The following KIAA1958 variants were observed in gnomAD, a reference collection of about 807,000 sequenced individuals.
KIAA1958 encodes uncharacterized protein KIAA1958.
In KIAA1958, 14 loss-of-function variants were observed where a neutral mutation model predicts 47.2. The observed-to-expected ratio is 0.30, with a 90% CI of 0.20 to 0.46. The LOEUF is 0.46. Among genes scored for constraint, KIAA1958 ranks in the 20% least tolerant of loss-of-function variants. The pLI is 1.00. For missense variants in KIAA1958, 803 were observed against 909.2 expected, an observed-to-expected ratio of 0.88 and a Z score of 1.50; for synonymous variants, 354 against 353.3, an observed-to-expected ratio of 1.00 and a Z score of -0.02.
intron 1 of KIAA1958, among the ~76,000 whole-genome samples, chr9:112,565,196 A>G (rs1835405606): frequency 6.6e-6 from 1 of 152,236 alleles, no homozygotes; most frequent in Non-Finnish European, 1.5e-5. Flanking sequence ...GCCTAAGTTC[A>G]TAGCATTGCT....
At chr9:112,550,983 G>A (rs1835132770) in intron 1 of KIAA1958, among the ~76,000 whole-genome samples, 2 of 151,030 alleles carry the variant, frequency 1.3e-5, no homozygotes, top group African/African-American at 4.9e-5. Context: ...TTCTTTGAAT[G>A]AATGGGGTTT....
chr9:112,573,330 G>C (rs559811667), intron 1 of KIAA1958, among the ~76,000 whole-genome samples: 1 of 152,314 alleles, frequency 6.6e-6, no homozygotes, highest in Non-Finnish European at 1.5e-5. Context: ...AGACAGCCAG[G>C]AGACAGGAAG....
intron 1 of KIAA1958, among the ~76,000 whole-genome samples, chr9:112,515,907 A>T (rs985960558): frequency 4.0e-5 from 6 of 148,208 alleles, no homozygotes; most frequent in African/African-American, 1.5e-4. Flanking sequence ...AAAAAAAAAA[A>T]AAAAAAGACT....
chr9:112,519,143 A>C (rs529724765), intron 1 of KIAA1958, among the ~76,000 whole-genome samples: 5 of 152,000 alleles, frequency 3.3e-5, no homozygotes, highest in African/African-American at 9.7e-5. Context: ...AGGTCTCACT[A>C]TGTTACCCAG....
chr9:112,626,906 T>C (rs1332096880), intron 2 of KIAA1958, among the ~76,000 whole-genome samples: 1 of 152,228 alleles, frequency 6.6e-6, no homozygotes, highest in East Asian at 1.9e-4. Context: ...TTTTGCATGT[T>C]GTTACAGGTG....
intron 1 of KIAA1958, among the ~76,000 whole-genome samples, chr9:112,556,122 T>C (rs1835236767): frequency 6.6e-6 from 1 of 152,180 alleles, no homozygotes; most frequent in African/African-American, 2.4e-5. Flanking sequence ...TGGGGATTAG[T>C]TTCAACGTGA....
intron 3 of KIAA1958, among the ~76,000 whole-genome samples, chr9:112,654,812 A>G (rs1156408160): frequency 6.6e-6 from 1 of 152,202 alleles, no homozygotes; most frequent in Admixed American, 6.5e-5. Flanking sequence ...GTTTGCATAC[A>G]ACTAACCTAC....
intron 1 of KIAA1958, among the ~76,000 whole-genome samples, chr9:112,527,302 G>C (rs1045985826): frequency 2.0e-5 from 3 of 152,140 alleles, no homozygotes; most frequent in Non-Finnish European, 4.4e-5. Flanking sequence ...AAATCCTTTT[G>C]AAAGGATTTT....
In KIAA1958 at chr9:112,666,145, T is replaced by C. The variant is rs1296960187; in HGVS notation, c.*6076T>C. ...TGCCACCACGCTCGGCTAATTTTTG[T>C]ATTTTTAGTGGAGATGGGGTTTCAT... On this transcript the variant is annotated 3_prime_UTR_variant, in exon 4 of 4. Coordinates refer to ENST00000337530, the MANE Select transcript of KIAA1958 (RefSeq NM_133465.4). The C allele has an allele frequency of 6.6e-6, 1 of 152,146 alleles. No individual in the cohort carries two copies. The highest frequency in any genetic ancestry group is 2.4e-5 in the African/African-American group (1 of 41,414). 9.4% of individuals were successfully genotyped at this position (152,146 alleles called of 1,614,324 possible).
At chr9:112,565,801 T>A (rs1475405368) in intron 1 of KIAA1958, among the ~76,000 whole-genome samples, 1 of 152,204 alleles carries the variant, frequency 6.6e-6, no homozygotes, top group African/African-American at 2.4e-5. Flanking sequence ...TGGAAAAATA[T>A]TTTCATTTTA....
intron 2 of KIAA1958, among the ~76,000 whole-genome samples, chr9:112,632,610 A>G (rs927596632): frequency 3.3e-5 from 5 of 152,030 alleles, no homozygotes; most frequent in African/African-American, 1.2e-4. Context: ...TTTTTAATGC[A>G]TTTTGTTATT....
chr9:112,592,279 A>T (rs1377913508), intron 2 of KIAA1958, among the ~76,000 whole-genome samples: 3 of 152,158 alleles, frequency 2.0e-5, no homozygotes, highest in African/African-American at 7.2e-5. Context: ...TCTAACAGGG[A>T]GATTGCCTGA....
intron 2 of KIAA1958, among the ~76,000 whole-genome samples, chr9:112,585,586 A>G (rs1835810735): frequency 1.3e-5 from 2 of 152,196 alleles, no homozygotes; most frequent in Non-Finnish European, 2.9e-5. Context: ...TTGGGGAAGT[A>G]GAGGCTGGGA....
rs528018769 is a variant in KIAA1958 at position 112,637,539 on chromosome 9, G to A, written c.1172-8111G>A. Among the ~76,000 whole-genome samples, 8 of 151,996 alleles carry A rather than the reference G, an allele frequency of 5.3e-5. No homozygotes were observed. In the East Asian group the frequency reaches 7.8e-4, roughly 15 times the overall value. On this transcript the variant is annotated intron_variant, in intron 2 of 3. Coordinates refer to ENST00000337530, the MANE Select transcript of KIAA1958 (RefSeq NM_133465.4). The stretch of plus-strand genomic sequence containing the variant: ...ATTACAGGTGCCCGTGACCACGCCC[G>A]GCAGATTTTTGTATTTTTAGTAGAG...
chr9:112,654,350 A>G (rs1837112247), intron 3 of KIAA1958, among the ~76,000 whole-genome samples: 1 of 152,152 alleles, frequency 6.6e-6, no homozygotes, highest in Non-Finnish European at 1.5e-5. Context: ...AGAATGGACT[A>G]CCTTTTGGCA....
intron 2 of KIAA1958, among the ~76,000 whole-genome samples, chr9:112,617,440 A>G (rs1392459653): frequency 6.6e-6 from 1 of 152,244 alleles, no homozygotes; most frequent in Non-Finnish European, 1.5e-5. Context: ...GTTTAATTCA[A>G]TAAAATGGAA....
At position 112,661,898 on chromosome 9, in the gene KIAA1958, T is replaced by C. The variant is rs1276518706; in HGVS notation, c.*1829T>C. The C allele has an allele frequency of 6.6e-6, 1 of 152,248 alleles. No individual in the cohort carries two copies. The highest frequency in any genetic ancestry group is 1.9e-4 in the East Asian group (1 of 5,202). The allele number at this position is 152,248 out of a possible 1,614,324, so 9.4% of individuals were successfully genotyped here. Reference sequence around the variant, plus strand: ...TTAGGTACAATTTCCTTTAGTTTGCTAAACACCCAAAGGATATTTTGTTTT... The same window carrying C: ...TTAGGTACAATTTCCTTTAGTTTGCCAAACACCCAAAGGATATTTTGTTTT... On this transcript the variant is annotated 3_prime_UTR_variant, in exon 4 of 4. Coordinates refer to ENST00000337530, the MANE Select transcript of KIAA1958 (RefSeq NM_133465.4).
At chr9:112,500,013 T>C (rs1224782042) in intron 1 of KIAA1958, among the ~76,000 whole-genome samples, 1 of 152,170 alleles carries the variant, frequency 6.6e-6, no homozygotes, top group African/African-American at 2.4e-5. Context: ...TCTAATGATA[T>C]GTTTATATAC....
intron 1 of KIAA1958, among the ~76,000 whole-genome samples, chr9:112,564,887 G>T (rs145069378): frequency 6.5e-4 from 99 of 152,210 alleles, no homozygotes; most frequent in African/African-American, 2.3e-3. Flanking sequence ...TCAGATATTG[G>T]CTCTGCCATT....
Sources: allele counts gnomAD v4.1 joint callset (sites outside exome capture counted in the v4.1 genomes callset), GRCh38; gene constraint gnomAD v4.1.1; transcripts MANE v1.5; gene names NCBI Gene and HGNC (gene_info 2026-07-23, HGNC 2026-07-21).